Variants in PDE3A observed in about 807,000 individuals in gnomAD.
PDE3A encodes cGMP-inhibited 3',5'-cyclic phosphodiesterase 3A.
Under a neutral mutation model 98.3 loss-of-function variants are expected in PDE3A, and 43 were observed. That is an observed-to-expected ratio of 0.44 (90% CI 0.34 to 0.56). The LOEUF (loss-of-function observed/expected upper bound fraction) is 0.56, where lower values mean the gene tolerates loss of function less well. Ranked by LOEUF, PDE3A falls within the 20% of genes least tolerant of loss-of-function variation. The probability of loss-of-function intolerance (pLI) is 0.01; values close to 1 mark genes in which losing one functional copy is unlikely to be tolerated. For synonymous variants in PDE3A, 663 were observed against 567.9 expected, an observed-to-expected ratio of 1.17 and a Z score of -2.38; for missense variants, 1,427 against 1,440.7, an observed-to-expected ratio of 0.99 and a Z score of 0.15.
chr12:20,409,457 A>G (rs1479439888), intron 1 of PDE3A, among the ~76,000 whole-genome samples: 1 of 152,210 alleles, frequency 6.6e-6, no homozygotes, highest in Non-Finnish European at 1.5e-5. Context: ...ATTTTTACCT[A>G]CAATTTGATA....
At chr12:20,591,521 G>A (rs116904898) in intron 2 of PDE3A, among the ~76,000 whole-genome samples, 166 of 152,350 alleles carry the variant, frequency 1.1e-3, no homozygotes, top group Non-Finnish European at 2.1e-3. Flanking sequence ...CACAGGAGTG[G>A]CTTCATGATA....
Position 20,369,696 on chromosome 12 carries a change from A to G in PDE3A, c.412A>G (p.Ser138Gly). ...GCTGCAGCCCTCGGCGCTGCTCTTC[A>G]GTCTCCTGTGTGCCTTCTTCTGGAT... ...PWLQPSALLF[S>G]LLCAFFWMGL... The change falls in exon 1 of 16, where the codon AGT (serine) becomes GGT (glycine). Residue 138 changes from serine to glycine, a missense_variant. Transcript: ENST00000359062. 1 of 1,611,658 alleles carries G rather than the reference A, an allele frequency of 6.2e-7. No individual in the cohort carries two copies. The highest frequency in any genetic ancestry group is 8.5e-7 in the Non-Finnish European group (1 of 1,179,538).
chr12:20,641,161 A>G (rs4630342), intron 10 of PDE3A, among the ~76,000 whole-genome samples: 60,066 of 138,528 alleles, frequency 0.43, 12,377 homozygotes, highest in East Asian at 0.73. Flanking sequence ...CTGTTAGTGT[A>G]TCATAGAAAA....
At chr12:20,377,769 A>G (rs1365501275) in intron 1 of PDE3A, among the ~76,000 whole-genome samples, 2 of 151,714 alleles carry the variant, frequency 1.3e-5, no homozygotes, top group African/African-American at 4.8e-5. Flanking sequence ...GATTTAGCAG[A>G]GTTCCTTAAT....
intron 1 of PDE3A, among the ~76,000 whole-genome samples, chr12:20,525,467 T>G (rs1409782426): frequency 1.4e-5 from 2 of 139,856 alleles, no homozygotes; most frequent in African/African-American, 2.7e-5. Flanking sequence ...CTGATTTGGT[T>G]GGGGGGGGGG....
At chr12:20,643,665 C>T (rs1270172304) in intron 10 of PDE3A, among the ~76,000 whole-genome samples, 1 of 151,850 alleles carries the variant, frequency 6.6e-6, no homozygotes. Flanking sequence ...TACTCGAAAG[C>T]AAAAGGAACA....
chr12:20,376,563 G>T (rs1385154360), intron 1 of PDE3A, among the ~76,000 whole-genome samples: 3 of 151,912 alleles, frequency 2.0e-5, no homozygotes, highest in African/African-American at 7.2e-5. Context: ...GCACTGAAAA[G>T]TCTAACTTTG....
intron 14 of PDE3A, among the ~76,000 whole-genome samples, chr12:20,651,767 A>ATTTGT (rs10688428): frequency 3.3e-5 from 5 of 151,536 alleles, no homozygotes; most frequent in Non-Finnish European, 4.4e-5. Context: ...AGAATGAAAG[A>ATTTGT]TTTTTTTTAT....
chr12:20,534,168 T>C, intron 1 of PDE3A, among the ~76,000 whole-genome samples: 1 of 152,226 alleles, frequency 6.6e-6, no homozygotes, highest in East Asian at 1.9e-4. Context: ...TTTATTATAT[T>C]GTAATTATTT....
chr12:20,679,392 C>A (rs188025044), intron 15 of PDE3A, among the ~76,000 whole-genome samples: 13 of 152,052 alleles, frequency 8.5e-5, no homozygotes, highest in Non-Finnish European at 1.8e-4. Context: ...GGACTACTGG[C>A]GCCTGCCACC....
At chr12:20,636,847 T>C (rs905738368) in intron 8 of PDE3A, among the ~76,000 whole-genome samples, 1 of 152,198 alleles carries the variant, frequency 6.6e-6, no homozygotes, top group African/African-American at 2.4e-5. Context: ...TGCTGGAGTG[T>C]ATATGGACCA....
chr12:20,572,467 C>G (rs1335065770), intron 2 of PDE3A, among the ~76,000 whole-genome samples: 1 of 151,936 alleles, frequency 6.6e-6, no homozygotes, highest in Non-Finnish European at 1.5e-5. Flanking sequence ...CACTAAACTC[C>G]CAAATGAAAA....
At chr12:20,592,284 G>A (rs901836467) in intron 2 of PDE3A, among the ~76,000 whole-genome samples, 9 of 152,090 alleles carry the variant, frequency 5.9e-5, no homozygotes, top group Non-Finnish European at 8.8e-5. Flanking sequence ...AAGGTCAAAA[G>A]GTTGTATTTG....
intron 6 of PDE3A, among the ~76,000 whole-genome samples, chr12:20,630,911 G>A (rs1300914562): frequency 6.6e-6 from 1 of 152,108 alleles, no homozygotes; most frequent in South Asian, 2.1e-4. Flanking sequence ...TGAGGTTGAT[G>A]AGGATAACTA....
At chr12:20,615,518 G>T (rs192520189) in intron 3 of PDE3A, among the ~76,000 whole-genome samples, 2 of 152,130 alleles carry the variant, frequency 1.3e-5, no homozygotes, top group East Asian at 3.9e-4. Context: ...TATGACTGTG[G>T]TGCAAGGTGA....
chr12:20,530,932 G>T (rs1357765474), intron 1 of PDE3A, among the ~76,000 whole-genome samples: 1 of 152,148 alleles, frequency 6.6e-6, no homozygotes, highest in Non-Finnish European at 1.5e-5. Flanking sequence ...AAAATGAAAA[G>T]ATATTTTTTG....
intron 1 of PDE3A, among the ~76,000 whole-genome samples, chr12:20,519,724 G>A (rs1460988842): frequency 6.6e-6 from 1 of 152,156 alleles, no homozygotes; most frequent in Non-Finnish European, 1.5e-5. Context: ...AATAGCAAAG[G>A]AAGAGAAAGG....
Position 20,417,039 on chromosome 12 carries a change from A to C in PDE3A, c.960+46795A>C, listed in dbSNP as rs57494624. Among the ~76,000 whole-genome samples, 261 of 152,300 alleles carry C rather than the reference A, an allele frequency of 1.7e-3. 4 individuals are homozygous for C. The highest frequency in any genetic ancestry group is 6.2e-3 in the African/African-American group (259 of 41,576). On this transcript the variant is annotated intron_variant, in intron 1 of 15. Coordinates refer to ENST00000359062, the MANE Select transcript of PDE3A (RefSeq NM_000921.5). Reference sequence around the variant, plus strand: ...TGAATGATGGTTGGGAACTTTAACCAAAATGTACATAATGTGCATAAATGA... The same window carrying C: ...TGAATGATGGTTGGGAACTTTAACCCAAATGTACATAATGTGCATAAATGA...
chr12:20,549,400 TAAA>T (rs139027564), intron 1 of PDE3A, among the ~76,000 whole-genome samples: 10 of 136,358 alleles, frequency 7.3e-5, no homozygotes, highest in Admixed American at 1.5e-4. Flanking sequence ...TTCTTTGCAT[TAAA>T]AAAAAAAAAA....
Sources: allele counts gnomAD v4.1 joint callset (sites outside exome capture counted in the v4.1 genomes callset), GRCh38; gene constraint gnomAD v4.1.1; transcripts MANE v1.5; gene names NCBI Gene and HGNC (gene_info 2026-07-23, HGNC 2026-07-21).